SHISA9: variants seen among roughly 807,000 people sequenced by gnomAD.
SHISA9 encodes shisa family member 9, also known as protein shisa-9.
A neutral mutation model predicts 38.0 loss-of-function variants in SHISA9; 13 were observed. The observed-to-expected ratio is 0.34, with a 90% CI of 0.22 to 0.54. The LOEUF is 0.54. Among genes scored for constraint, SHISA9 ranks in the 20% least tolerant of loss-of-function variants. The probability of loss-of-function intolerance (pLI) is 0.91; values close to 1 mark genes in which losing one functional copy is unlikely to be tolerated. For missense variants in SHISA9, 538 were observed against 575.8 expected (o/e 0.93, Z 0.67); for synonymous variants, 275 against 242.0 (o/e 1.14, Z -1.27).
At chr16:13,277,369 T>C in the SHISA9 span, among the ~76,000 whole-genome samples, 1 of 152,106 alleles carries the variant, frequency 6.6e-6, no homozygotes, top group Non-Finnish European at 1.5e-5. Context: ...AATTAGTTCT[T>C]TTTGCTTAGT....
intron 2 of SHISA9, among the ~76,000 whole-genome samples, chr16:13,034,840 C>T (rs1031463871): frequency 6.6e-5 from 10 of 152,178 alleles, no homozygotes; most frequent in Admixed American, 3.3e-4. Context: ...GAAACAGACC[C>T]AGGTCATTCC....
intron 2 of SHISA9, among the ~76,000 whole-genome samples, chr16:13,117,228 G>A (rs1389945662): frequency 6.6e-6 from 1 of 152,128 alleles, no homozygotes; most frequent in Non-Finnish European, 1.5e-5. Flanking sequence ...TCCCATCTCG[G>A]CTTCCCAAAC....
chr16:13,068,615 G>A (rs2073462298), intron 2 of SHISA9, among the ~76,000 whole-genome samples: 1 of 152,210 alleles, frequency 6.6e-6, no homozygotes, highest in Non-Finnish European at 1.5e-5. Flanking sequence ...GTGATTCTGA[G>A]CCATGGCTTT....
chr16:13,217,110 A>G (rs1465243729), intron 4 of SHISA9, among the ~76,000 whole-genome samples: 1 of 131,434 alleles, frequency 7.6e-6, no homozygotes, highest in Non-Finnish European at 1.6e-5. Flanking sequence ...TCTCTACTAA[A>G]AATACAAAAA....
intron 1 of SHISA9, among the ~76,000 whole-genome samples, chr16:12,906,323 T>A (rs766130966): frequency 1.3e-5 from 2 of 152,196 alleles, no homozygotes; most frequent in African/African-American, 2.4e-5. Context: ...TTGCCCCTAG[T>A]GACCAGTAAA....
chr16:13,108,183 C>T (rs1215681023), intron 2 of SHISA9, among the ~76,000 whole-genome samples: 4 of 151,282 alleles, frequency 2.6e-5, no homozygotes, highest in Non-Finnish European at 4.4e-5. Flanking sequence ...AGCTGGAGTG[C>T]AGTGTCCTGA....
At chr16:12,940,270 A>G (rs1422717394) in intron 2 of SHISA9, among the ~76,000 whole-genome samples, 1 of 152,122 alleles carries the variant, frequency 6.6e-6, no homozygotes, top group Non-Finnish European at 1.5e-5. Context: ...CAGCTTATCC[A>G]GTTTCCCTGT....
At chr16:13,080,918 G>A (rs2073641164) in intron 2 of SHISA9, among the ~76,000 whole-genome samples, 1 of 152,178 alleles carries the variant, frequency 6.6e-6, no homozygotes, top group South Asian at 2.1e-4. Flanking sequence ...GTTTGCAGAT[G>A]GTGGCTTTGT....
chr16:13,011,616 G>A (rs913073635), intron 2 of SHISA9, among the ~76,000 whole-genome samples: 1 of 151,992 alleles, frequency 6.6e-6, no homozygotes, highest in East Asian at 1.9e-4. Flanking sequence ...CTGCCTCCCG[G>A]GTTCATTCCA....
chr16:13,382,075 G>A, the SHISA9 span, among the ~76,000 whole-genome samples: 3 of 152,080 alleles, frequency 2.0e-5, no homozygotes, highest in Non-Finnish European at 4.4e-5. Flanking sequence ...GGACGGTATG[G>A]GTAAACAGTA....
At chr16:12,970,393 A>G (rs910507424) in intron 2 of SHISA9, among the ~76,000 whole-genome samples, 1,211 of 10,284 alleles carry the variant, frequency 0.12, 76 homozygotes, top group East Asian at 0.43. Flanking sequence ...ATATATGTAT[A>G]TATATATATA....
chr16:12,922,707 A>T (rs1596530844), intron 2 of SHISA9, among the ~76,000 whole-genome samples: 1 of 152,152 alleles, frequency 6.6e-6, no homozygotes, highest in Admixed American at 6.5e-5. Context: ...TTTAATAGAG[A>T]TGGAATGTCA....
chr16:13,291,941 T>G, the SHISA9 span, among the ~76,000 whole-genome samples: 4 of 152,230 alleles, frequency 2.6e-5, no homozygotes, highest in Middle Eastern at 3.4e-3. Context: ...TTTTTTACCT[T>G]TTGGTCACAG....
chr16:12,915,571 C>T (rs192681880), intron 1 of SHISA9, among the ~76,000 whole-genome samples: 60 of 152,302 alleles, frequency 3.9e-4, no homozygotes, highest in African/African-American at 1.4e-3. Flanking sequence ...ATGATGGCAG[C>T]TGTTTGTAGC....
At chr16:13,074,772 C>T (rs1008240885) in intron 2 of SHISA9, among the ~76,000 whole-genome samples, 1 of 150,888 alleles carries the variant, frequency 6.6e-6, no homozygotes, top group Non-Finnish European at 1.5e-5. Context: ...TCGATAGATT[C>T]TCCTGCCTCA....
intron 2 of SHISA9, among the ~76,000 whole-genome samples, chr16:13,121,573 A>G (rs1287639959): frequency 1.3e-5 from 2 of 152,174 alleles, no homozygotes; most frequent in East Asian, 3.8e-4. Context: ...AAATATAAAC[A>G]TTAAAATATT....
the SHISA9 span, among the ~76,000 whole-genome samples, chr16:13,421,339 C>T: frequency 6.4e-4 from 98 of 152,332 alleles, no homozygotes; most frequent in African/African-American, 2.1e-3. Context: ...ATTGGACTTA[C>T]ATTTCCACAT....
chr16:13,096,843 C>A (rs2141953511), intron 2 of SHISA9, among the ~76,000 whole-genome samples: 1 of 152,226 alleles, frequency 6.6e-6, no homozygotes, highest in Non-Finnish European at 1.5e-5. Context: ...GCTCTCTCTT[C>A]CCTGAGACTT....
chr16:13,436,145 C>G, the SHISA9 span, among the ~76,000 whole-genome samples: 1 of 152,296 alleles, frequency 6.6e-6, no homozygotes, highest in Middle Eastern at 3.4e-3. Context: ...CTGAAACCTA[C>G]TGGGCTGCAT....
Sources: gnomAD v4.1 joint callset for allele counts (sites outside exome capture counted in the v4.1 genomes callset) on GRCh38, gnomAD v4.1.1 for gene constraint, MANE v1.5 for transcripts, NCBI Gene and HGNC (gene_info 2026-07-23, HGNC 2026-07-21) for gene names.